Variants in SUCLG2 observed in about 807,000 individuals in gnomAD.
SUCLG2 encodes the protein succinate--CoA ligase [GDP-forming] subunit beta, mitochondrial.
A neutral mutation model predicts 47.9 loss-of-function variants in SUCLG2; 42 were observed. The ratio of observed to expected loss-of-function variants is 0.88; its 90% CI spans 0.69 to 1.14. The LOEUF (loss-of-function observed/expected upper bound fraction) is 1.14. SUCLG2 is among the 50% of genes most tolerant of loss of function. SUCLG2 has a pLI of 0.00. For synonymous variants in SUCLG2, 195 were observed against 197.3 expected, an observed-to-expected ratio of 0.99 and a Z score of 0.10; for missense variants, 571 against 525.9, an observed-to-expected ratio of 1.09 and a Z score of -0.84.
intron 1 of SUCLG2, among the ~76,000 whole-genome samples, chr3:67,646,427 T>A (rs1701193123): frequency 6.6e-6 from 1 of 152,088 alleles, no homozygotes; most frequent in South Asian, 2.1e-4. Context: ...AAACTCCATC[T>A]CTACTAAAAA....
chr3:67,636,507 T>G (rs945132725), intron 1 of SUCLG2, among the ~76,000 whole-genome samples: 5 of 151,986 alleles, frequency 3.3e-5, no homozygotes, highest in African/African-American at 9.7e-5. Flanking sequence ...CGCCCGCCAC[T>G]GCACCCGGCT....
intron 2 of SUCLG2, among the ~76,000 whole-genome samples, chr3:67,540,121 C>T (rs544410548): frequency 9.0e-4 from 136 of 151,108 alleles, no homozygotes; most frequent in Non-Finnish European, 1.1e-3. Flanking sequence ...TTTGCTGTTG[C>T]TTCTCTAGTT....
At chr3:67,513,147 C>G (rs1484686960) in intron 6 of SUCLG2, among the ~76,000 whole-genome samples, 2 of 145,002 alleles carry the variant, frequency 1.4e-5, no homozygotes, top group Non-Finnish European at 2.9e-5. Context: ...ATAATGTCCT[C>G]AAGCCCCATC....
chr3:67,539,422 G>A (rs1387313870), intron 2 of SUCLG2, among the ~76,000 whole-genome samples: 1 of 152,210 alleles, frequency 6.6e-6, no homozygotes, highest in Admixed American at 6.5e-5. Context: ...CTTCATCGTG[G>A]TGGATAAGCT....
intron 1 of SUCLG2, among the ~76,000 whole-genome samples, chr3:67,621,380 T>C (rs1365086034): frequency 6.6e-6 from 1 of 152,174 alleles, no homozygotes; most frequent in African/African-American, 2.4e-5. Context: ...TGTTAGTTGA[T>C]ATGCATGTGG....
intron 7 of SUCLG2, among the ~76,000 whole-genome samples, chr3:67,507,067 AG>A (rs988626202): frequency 1.3e-5 from 2 of 152,210 alleles, no homozygotes; most frequent in African/African-American, 4.8e-5. Context: ...CTAATTTTTC[AG>A]GGTTGTGGTA....
rs181023393 is a variant in SUCLG2, at chr3:67,375,417, C to T, written c.*327G>A. 14 of 1,007,610 alleles carry T rather than the reference C, an allele frequency of 1.4e-5. No homozygotes were observed. The East Asian group carries it at 9.5e-4, about 68-fold the overall frequency. 62.4% of individuals were successfully genotyped at this position (1,007,610 alleles called of 1,614,324 possible). On this transcript the variant is annotated 3_prime_UTR_variant, in exon 11 of 11. Transcript: ENST00000307227. The stretch of plus-strand genomic sequence containing the variant: ...CCCACCAAAATTCTTGTAAATGAAG[C>T]AGGACTTGATTTCAAATTCTGTCTA...
At chr3:67,394,667 G>A (rs1163290778) in intron 10 of SUCLG2, among the ~76,000 whole-genome samples, 1 of 151,622 alleles carries the variant, frequency 6.6e-6, no homozygotes, top group African/African-American at 2.4e-5. Context: ...AGGAAATACA[G>A]AGAATGCCTC....
Position 67,367,833 on chromosome 3 carries a change from A to G in SUCLG2, c.1184-7065T>C, listed in dbSNP as rs183765089. 1.4e-4 allele frequency among the ~76,000 whole-genome samples: 22 copies of G among 152,248 alleles called. No homozygotes were observed. The East Asian group carries it at 4.2e-3, about 29-fold the overall frequency. ...ATTTTAGTTTATATTGTTATGGTCA[A>G]TTTTCTCTATCTATACAGATATGTA... On this transcript the variant is annotated intron_variant, in intron 10 of 10. Transcript: ENST00000493112.
intron 10 of SUCLG2, 28 bp from the exon 11 acceptor site, chr3:67,375,887 G>A: frequency 6.2e-7 from 1 of 1,606,738 alleles, no homozygotes; most frequent in Non-Finnish European, 8.5e-7. Flanking sequence ...AACAATCACT[G>A]AATGAAACTA....
chr3:67,499,269 C>G (rs1292285569), intron 7 of SUCLG2, among the ~76,000 whole-genome samples: 2 of 152,174 alleles, frequency 1.3e-5, no homozygotes, highest in African/African-American at 4.8e-5. Context: ...GCATACATTA[C>G]TAACTCTGTA....
intron 9 of SUCLG2, among the ~76,000 whole-genome samples, chr3:67,486,329 T>C (rs1262731991): frequency 1.3e-5 from 2 of 151,982 alleles, no homozygotes; most frequent in Non-Finnish European, 2.9e-5. Flanking sequence ...AGAAAAGGTG[T>C]CTCTATCATA....
chr3:67,593,267 A>T (rs112902933), intron 2 of SUCLG2, among the ~76,000 whole-genome samples: 1 of 135,838 alleles, frequency 7.4e-6, no homozygotes, highest in Non-Finnish European at 1.6e-5. Context: ...GGTCTAACAC[A>T]TATAGCACAT....
chr3:67,652,731 T>C (rs1317443647), intron 1 of SUCLG2, among the ~76,000 whole-genome samples: 2 of 152,212 alleles, frequency 1.3e-5, no homozygotes, highest in Non-Finnish European at 2.9e-5. Flanking sequence ...AACGGAAACG[T>C]AAAGGTAAGC....
At chr3:67,382,511 A>C (rs1032160524) in intron 10 of SUCLG2, among the ~76,000 whole-genome samples, 2 of 152,200 alleles carry the variant, frequency 1.3e-5, no homozygotes, top group Admixed American at 6.5e-5. Context: ...AGGGCTGGCA[A>C]GTTCTAGTTT....
At chr3:67,512,608 C>T (rs1041162246) in intron 6 of SUCLG2, among the ~76,000 whole-genome samples, 17 of 151,056 alleles carry the variant, frequency 1.1e-4, no homozygotes, top group Non-Finnish European at 2.5e-4. Context: ...TACTTCAAAA[C>T]TTCCTTTTTA....
chr3:67,400,933 A>G, intron 9 of SUCLG2, 82 bp from the exon 10 acceptor site: 1 of 1,578,344 alleles, frequency 6.3e-7, no homozygotes, highest in Non-Finnish European at 8.6e-7. Flanking sequence ...AATAGAGACA[A>G]TTAAAATAAG....
intron 1 of SUCLG2, among the ~76,000 whole-genome samples, chr3:67,645,344 C>T (rs764181015): frequency 3.9e-5 from 6 of 152,198 alleles, no homozygotes; most frequent in South Asian, 4.2e-4. Context: ...GAGTTTTGGA[C>T]GTGGGACTCC....
chr3:67,619,056 T>C (rs1700683874), intron 1 of SUCLG2, among the ~76,000 whole-genome samples: 1 of 152,146 alleles, frequency 6.6e-6, no homozygotes, highest in Non-Finnish European at 1.5e-5. Context: ...AATAATAAAA[T>C]CATCTGTACT....
Sources: allele counts gnomAD v4.1 joint callset (sites outside exome capture counted in the v4.1 genomes callset), GRCh38; gene constraint gnomAD v4.1.1; transcripts MANE v1.5; gene names NCBI Gene and HGNC (gene_info 2026-07-23, HGNC 2026-07-21).